WTIP: variants seen among roughly 807,000 people sequenced by gnomAD.
WTIP encodes WT1 interacting protein, also known as Wilms tumor protein 1-interacting protein.
WTIP carries 23 observed loss-of-function variants against 41.7 expected under a neutral mutation model. The observed-to-expected ratio is 0.55, with a 90% CI of 0.40 to 0.78. The LOEUF is 0.78. WTIP is among the 30% of genes least tolerant of loss of function. WTIP has a pLI of 0.00. For missense variants in WTIP, 619 were observed against 610.5 expected, an observed-to-expected ratio of 1.01 and a Z score of -0.15; for synonymous variants, 314 against 269.9, an observed-to-expected ratio of 1.16 and a Z score of -1.60.
At chr19:34,496,853 G>A (rs190424453) in intron 7 of WTIP, among the ~76,000 whole-genome samples, 6 of 151,198 alleles carry the variant, frequency 4.0e-5, no homozygotes, top group Admixed American at 3.3e-4. Flanking sequence ...GGCGTGTGGC[G>A]CTCTCTTCTC....
Position 34,506,913 on chromosome 19 carries a change from T to C in WTIP, c.*6644T>C, listed in dbSNP as rs986642277. The stretch of plus-strand genomic sequence containing the variant: ...AGAAAGAGCGGGAGAAACTTTGCTC[T>C]TTTCATTTAATAATTGTGTTCAGCC... On this transcript the variant is annotated 3_prime_UTR_variant, in exon 8 of 8. Transcript: ENST00000590071. 6.6e-6 allele frequency: 1 copy of C among 151,994 alleles called. No homozygotes were observed. Among genetic ancestry groups the C allele is most frequent in the African/African-American group, 2.4e-5 (1 of 41,354 alleles). 9.4% of individuals were successfully genotyped at this position (151,994 alleles called of 1,614,324 possible).
In WTIP at chr19:34,493,466, G is replaced by A. The variant is rs1194536400; in HGVS notation, c.901-26G>A. 12 of 1,612,448 alleles carry A rather than the reference G, an allele frequency of 7.4e-6. No homozygotes were observed. In the Admixed American group the frequency reaches 1.3e-4, roughly 18 times the overall value. On this transcript the variant is annotated intron_variant, in intron 4 of 7. Coordinates refer to ENST00000590071, the MANE Select transcript of WTIP (RefSeq NM_001080436.2). The surrounding 1 kb of genome is among the most constrained non-coding windows in gnomAD (Gnocchi z 4.1). The stretch of plus-strand genomic sequence containing the variant: ...CGGTGCTGAGCCTCCTGCCCGCGCT[G>A]ACCCCTCAGTGTGCCCCGCCCACAG...
At chr19:34,492,481 C>A (rs1219430171) in intron 2 of WTIP, among the ~76,000 whole-genome samples, 1 of 150,184 alleles carries the variant, frequency 6.7e-6, no homozygotes, top group Non-Finnish European at 1.5e-5. Context: ...CAGAGCGAGA[C>A]CCTGTCTTAA....
At position 34,510,717 on chromosome 19, in the gene WTIP, A is replaced by G. The variant is rs539628086; in HGVS notation, c.*10448A>G. ...AATGGAATGTTTTTAAACCCAAGTC[A>G]CCTCTTGAACGCTTTTCTGCTTAGA... is the stretch of plus-strand genomic sequence containing the variant. On this transcript the variant is annotated 3_prime_UTR_variant, in exon 8 of 8. Coordinates refer to ENST00000590071, the MANE Select transcript of WTIP (RefSeq NM_001080436.2). 74 of 152,238 alleles carry G rather than the reference A, an allele frequency of 4.9e-4. No individual in the cohort carries two copies. Among genetic ancestry groups the G allele is most frequent in the African/African-American group, 1.7e-3 (71 of 41,548 alleles). The allele number at this position is 152,238 out of a possible 1,614,324, so 9.4% of individuals were successfully genotyped here.
At chr19:34,487,360 C>T (rs569704244) in intron 1 of WTIP, among the ~76,000 whole-genome samples, 10 of 152,288 alleles carry the variant, frequency 6.6e-5, no homozygotes, top group South Asian at 4.1e-4. Flanking sequence ...CCTCGGCCTC[C>T]GAAAGTGTTG....
chr19:34,485,717 C>T (rs1010276167), intron 1 of WTIP, among the ~76,000 whole-genome samples: 3 of 152,062 alleles, frequency 2.0e-5, no homozygotes, highest in African/African-American at 7.2e-5. Flanking sequence ...CTTCAGCCTC[C>T]TGAGTAGCTG....
At chr19:34,494,357 C>A (rs1040753098) in intron 5 of WTIP, among the ~76,000 whole-genome samples, 3 of 151,548 alleles carry the variant, frequency 2.0e-5, no homozygotes, top group Non-Finnish European at 4.4e-5. Flanking sequence ...AATTTGAGAC[C>A]AGCCTGGGCA....
At position 34,490,351 on chromosome 19, in the gene WTIP, C is replaced by T. The variant is rs373513117; in HGVS notation, c.668-25C>T. ...GCATAGGCTGTGGCGCTAACCCCTG[C>T]TCTCTCCTGCCTCTCCTCTCCTAGG... is the stretch of plus-strand genomic sequence containing the variant. On this transcript the variant is annotated intron_variant, in intron 1 of 7. Coordinates refer to ENST00000590071, the MANE Select transcript of WTIP (RefSeq NM_001080436.2). 7 of 1,610,682 alleles carry T rather than the reference C, an allele frequency of 4.3e-6. No homozygotes were observed. In the African/African-American group the frequency reaches 9.4e-5, roughly 22 times the overall value.
intron 1 of WTIP, 119 bp downstream of exon 1, chr19:34,482,760 CA>C (rs2075775678): frequency 8.3e-7 from 1 of 1,200,434 alleles, no homozygotes; most frequent in East Asian, 3.4e-5. Flanking sequence ...GGGGGTGCAG[CA>C]GTGCACGGGG....
chr19:34,500,038 C>G (rs2075876075), intron 7 of WTIP, 91 bp from the exon 8 acceptor site: 2 of 1,521,242 alleles, frequency 1.3e-6, no homozygotes, highest in Admixed American at 1.9e-5. Context: ...CCCTGCAGAT[C>G]TGCCCCTCCC....
At chr19:34,483,379 C>T (rs1348053045) in intron 1 of WTIP, among the ~76,000 whole-genome samples, 2 of 152,096 alleles carry the variant, frequency 1.3e-5, no homozygotes, top group East Asian at 1.9e-4. Flanking sequence ...TTTCATGCTT[C>T]GTGATGAGCA....
intron 1 of WTIP, among the ~76,000 whole-genome samples, chr19:34,484,800 C>CA (rs2075789233): frequency 6.6e-6 from 1 of 151,752 alleles, no homozygotes; most frequent in Non-Finnish European, 1.5e-5. Flanking sequence ...TGCGGTGGCT[C>CA]ACACCTGTAA....
At position 34,505,058 on chromosome 19, in the gene WTIP, A is replaced by G. The variant is rs996073843; in HGVS notation, c.*4789A>G. ...GAGGCTTTGCCCCCACCCCGCCCCC[A>G]TGGTAGGCGTGTTCCCTAGAGGCTG... On this transcript the variant is annotated 3_prime_UTR_variant, in exon 8 of 8. Transcript: ENST00000590071. The G allele has an allele frequency of 6.6e-6, 1 of 152,596 alleles. No homozygotes were observed. Among genetic ancestry groups the G allele is most frequent in the Non-Finnish European group, 1.5e-5 (1 of 68,418 alleles). 9.5% of individuals were successfully genotyped at this position (152,596 alleles called of 1,614,324 possible). A position where few individuals can be genotyped will look rare whatever the true frequency, so the allele number is the denominator to read the frequency against.
intron 2 of WTIP, 88 bp downstream of exon 2, chr19:34,490,565 A>T: frequency 7.5e-7 from 1 of 1,337,774 alleles, no homozygotes; most frequent in Non-Finnish European, 1.1e-6. Context: ...CCCTGAGTCC[A>T]GGCAGATGGA....
intron 7 of WTIP, among the ~76,000 whole-genome samples, chr19:34,498,258 C>T (rs2075866045): frequency 2.0e-5 from 3 of 152,116 alleles, no homozygotes; most frequent in Admixed American, 2.0e-4. Context: ...TTGAAGCCCG[C>T]CCCCTGCTTC....
intron 1 of WTIP, among the ~76,000 whole-genome samples, chr19:34,484,217 G>A (rs779767778): frequency 1.3e-5 from 2 of 152,126 alleles, no homozygotes; most frequent in African/African-American, 2.4e-5. Context: ...GAGCCACCGT[G>A]CCCGGCCCTG....
At chr19:34,491,677 C>T (rs919997904) in intron 2 of WTIP, among the ~76,000 whole-genome samples, 7 of 151,336 alleles carry the variant, frequency 4.6e-5, no homozygotes, top group Admixed American at 2.0e-4. Context: ...GACAGAGTCT[C>T]GCTCTCCCCG....
intron 6 of WTIP, 87 bp from the exon 7 acceptor site, chr19:34,495,616 G>A: frequency 2.7e-6 from 4 of 1,485,482 alleles, no homozygotes; most frequent in Non-Finnish European, 3.7e-6. Flanking sequence ...GCCGGGACAG[G>A]AGCGTGGTGT....
rs754055963 is a variant in WTIP at position 34,493,114 on chromosome 19, A to G, written c.837+10A>G. On this transcript the variant is annotated intron_variant, in intron 3 of 7. Transcript: ENST00000590071. The surrounding 1 kb of genome is among the most constrained non-coding windows in gnomAD (Gnocchi z 4.1). ...CCAGGAGGACTTCCTGGTGAGTCCA[A>G]GCTGTGCCCTGGCAGTGCCAGGGGT... The G allele has an allele frequency of 3.1e-6, 5 of 1,613,812 alleles. No individual in the cohort carries two copies. In the South Asian group the frequency reaches 3.3e-5, roughly 11 times the overall value.
Sources: allele counts gnomAD v4.1 joint callset (sites outside exome capture counted in the v4.1 genomes callset), GRCh38; gene constraint gnomAD v4.1.1; non-coding constraint Gnocchi (gnomAD v3.1); transcripts MANE v1.5; gene names NCBI Gene and HGNC (gene_info 2026-07-23, HGNC 2026-07-21).